Variants in GPATCH8 observed in about 807,000 individuals in gnomAD.
The protein encoded by GPATCH8 is G-patch domain containing 8.
GPATCH8 carries 18 observed loss-of-function variants against 118.3 expected under a neutral mutation model. The observed-to-expected ratio is 0.15, with a 90% CI of 0.11 to 0.23. The LOEUF (loss-of-function observed/expected upper bound fraction) is 0.23. Among genes scored for constraint, GPATCH8 ranks in the 10% least tolerant of loss-of-function variants. GPATCH8 has a pLI of 1.00. For missense variants in GPATCH8, 1,631 were observed against 1,873.8 expected, an observed-to-expected ratio of 0.87 and a Z score of 2.39; for synonymous variants, 659 against 684.7, an observed-to-expected ratio of 0.96 and a Z score of 0.59.
chr17:44,409,858 T>C (rs796288620), intron 6 of GPATCH8, among the ~76,000 whole-genome samples: 8 of 152,232 alleles, frequency 5.3e-5, no homozygotes, highest in Non-Finnish European at 7.3e-5. Context: ...AAAACACTAC[T>C]AAGTCTACGG....
chr17:44,403,606 T>C (rs1264532980), intron 7 of GPATCH8, among the ~76,000 whole-genome samples: 1 of 152,196 alleles, frequency 6.6e-6, no homozygotes, highest in East Asian at 1.9e-4. Flanking sequence ...AGAGACCTAT[T>C]TATATGATGT....
Position 44,435,090 on chromosome 17 carries a change from G to A in GPATCH8, c.323C>T (p.Thr108Ile). The change falls in exon 5 of 8, where the codon ACA (threonine) becomes ATA (isoleucine). Residue 108 changes from threonine to isoleucine, a missense_variant. Physicochemically the swap from Thr to Ile is moderately conservative, Grantham distance 89. This residue lies in a region of GPATCH8 where 81 missense variants were observed against 227.6 expected (regional missense o/e 0.36). Transcript: ENST00000591680. Reference protein sequence around the residue: ...RRVLEVEKEDTEELRQKYKDY... With the variant: ...RRVLEVEKEDIEELRQKYKDY... ...CTTGTACTTTTGTCTCAGCTCTTCT[G>A]TGTCTTCTTTTTCTACTTCTAGGAC... is the stretch of plus-strand genomic sequence containing the variant. The A allele has an allele frequency of 6.7e-7, 1 of 1,482,934 alleles. No individual in the cohort carries two copies. The highest frequency in any genetic ancestry group is 9.4e-7 in the Non-Finnish European group (1 of 1,060,218). The allele number at this position is 1,482,934 out of a possible 1,614,324, so 91.9% of individuals were successfully genotyped here.
At position 44,400,246 on chromosome 17, in the gene GPATCH8, G is replaced by A. The variant is rs750682831; in HGVS notation, c.1831C>T (p.Pro611Ser). The A allele has an allele frequency of 3.1e-6, 5 of 1,613,980 alleles. No individual in the cohort carries two copies. Among genetic ancestry groups the A allele is most frequent in the Non-Finnish European group, 4.2e-6 (5 of 1,180,022 alleles). ...DHLQGLDPGE[P>S]NKSKEVGGEK... is the part of the protein sequence containing the mutation. ...CCGCCCACTTCCTTGCTTTTATTTG[G>A]CTCACCAGGATCTAGGCCTTGGAGA... Residue 611 changes from proline to serine, a missense_variant, in exon 8 of 8, where the codon CCA becomes TCA. By Grantham distance (74) the Pro-to-Ser change is moderately conservative. Coordinates refer to ENST00000591680, the MANE Select transcript of GPATCH8 (RefSeq NM_001002909.4).
chr17:44,486,292 T>G (rs1968777434), intron 1 of GPATCH8: 2 of 152,200 alleles, frequency 1.3e-5, no homozygotes, highest in South Asian at 4.1e-4. Flanking sequence ...CAGCCTGTGT[T>G]GCCCAGGCTG....
At chr17:44,459,341 T>C (rs1417189077) in intron 3 of GPATCH8, among the ~76,000 whole-genome samples, 1 of 152,228 alleles carries the variant, frequency 6.6e-6, no homozygotes, top group Non-Finnish European at 1.5e-5. Context: ...ATAATAAGCA[T>C]ATATGGCATT....
chr17:44,438,025 A>T (rs1164855081), intron 3 of GPATCH8, among the ~76,000 whole-genome samples: 1 of 152,138 alleles, frequency 6.6e-6, no homozygotes, highest in Non-Finnish European at 1.5e-5. Context: ...AGTAAAGCAA[A>T]ATGAAAATGC....
chr17:44,493,017 T>C (rs1401991377), intron 1 of GPATCH8, among the ~76,000 whole-genome samples: 1 of 150,886 alleles, frequency 6.6e-6, no homozygotes, highest in African/African-American at 2.4e-5. Context: ...AAACCACTGG[T>C]TTATAACCAA....
At chr17:44,489,792 C>T (rs1192659934) in intron 1 of GPATCH8, among the ~76,000 whole-genome samples, 5 of 152,138 alleles carry the variant, frequency 3.3e-5, no homozygotes, top group Non-Finnish European at 7.3e-5. Context: ...CCTCCTAACC[C>T]ACCTCCCCAC....
At chr17:44,464,836 G>C (rs1443856881) in intron 2 of GPATCH8, 2 of 377,326 alleles carry the variant, frequency 5.3e-6, no homozygotes, top group Non-Finnish European at 9.8e-6. Flanking sequence ...GGGAAAAGGG[G>C]AAGAATACAT....
chr17:44,483,069 T>C (rs998930492), intron 1 of GPATCH8, among the ~76,000 whole-genome samples: 1 of 135,272 alleles, frequency 7.4e-6, no homozygotes, highest in Non-Finnish European at 1.6e-5. Context: ...GGCAGGAGAA[T>C]GGTGTGAACC....
chr17:44,429,862 T>TAA (rs778605043), intron 5 of GPATCH8, among the ~76,000 whole-genome samples: 99 of 128,976 alleles, frequency 7.7e-4, no homozygotes, highest in Admixed American at 1.3e-3. Flanking sequence ...AGACTCCGTC[T>TAA]AAAAAAAAAA....
rs368510532 is a variant in GPATCH8 at position 44,491,437 on chromosome 17, G to A, written c.45+11889C>T. On this transcript the variant is annotated intron_variant, in intron 1 of 7. Transcript: ENST00000591680. Reference sequence around the variant, plus strand: ...TGGGAGGCAGAGACTGCAGTGAGCCGAGATTGCGCCACTGCACTCCAGCCT... The same window carrying A: ...TGGGAGGCAGAGACTGCAGTGAGCCAAGATTGCGCCACTGCACTCCAGCCT... Among the ~76,000 whole-genome samples, 9 of 146,154 alleles carry A rather than the reference G, an allele frequency of 6.2e-5. No individual in the cohort carries two copies. In the East Asian group the frequency reaches 1.2e-3, roughly 20 times the overall value.
rs1222322971 is a variant in GPATCH8, at chr17:44,397,066, G to A, written c.*502C>T. 6.6e-6 allele frequency: 3 copies of A among 454,124 alleles called. No individual in the cohort carries two copies. The highest frequency in any genetic ancestry group is 6.0e-5 in the African/African-American group (3 of 49,982). The allele number at this position is 454,124 out of a possible 1,614,324, so 28.1% of individuals were successfully genotyped here. On this transcript the variant is annotated 3_prime_UTR_variant, in exon 8 of 8. Transcript: ENST00000591680. ...GGGATAACGTAACGTCACCAAAGATGGTCAAAGATACTACCCCAAAATGGT... is the reference window on the plus strand; with the variant it reads ...GGGATAACGTAACGTCACCAAAGATAGTCAAAGATACTACCCCAAAATGGT...
At chr17:44,421,094 T>G (rs549266468) in intron 6 of GPATCH8, among the ~76,000 whole-genome samples, 1 of 151,356 alleles carries the variant, frequency 6.6e-6, no homozygotes, top group South Asian at 2.1e-4. Flanking sequence ...TCAACTGATC[T>G]GCCCGCCTTG....
At chr17:44,460,167 C>T (rs1304573303) in intron 3 of GPATCH8, among the ~76,000 whole-genome samples, 3 of 152,154 alleles carry the variant, frequency 2.0e-5, no homozygotes, top group Non-Finnish European at 4.4e-5. Context: ...CAAAATACAA[C>T]TATCATTCAC....
intron 1 of GPATCH8, among the ~76,000 whole-genome samples, chr17:44,476,950 TC>T (rs903146978): frequency 3.9e-5 from 6 of 152,216 alleles, no homozygotes; most frequent in Non-Finnish European, 7.3e-5. Flanking sequence ...ATTTTCTGGT[TC>T]CCTTCTTGTC....
chr17:44,474,338 TAC>T (rs1292506859), intron 2 of GPATCH8: 4 of 198,450 alleles, frequency 2.0e-5, no homozygotes, highest in African/African-American at 9.5e-5. Context: ...TTTCTTAAGC[TAC>T]AGAGACCAAA....
chr17:44,411,057 T>G (rs1304771021), intron 6 of GPATCH8, among the ~76,000 whole-genome samples: 7 of 152,206 alleles, frequency 4.6e-5, no homozygotes, highest in Non-Finnish European at 1.0e-4. Context: ...AATCTGAATG[T>G]GGATTATAAA....
At chr17:44,446,228 G>A (rs1177801719) in intron 3 of GPATCH8, among the ~76,000 whole-genome samples, 1 of 152,088 alleles carries the variant, frequency 6.6e-6, no homozygotes, top group East Asian at 1.9e-4. Context: ...GGGATTACAG[G>A]TGTGAGTCAC....
Sources: gnomAD v4.1 joint callset for allele counts (sites outside exome capture counted in the v4.1 genomes callset) on GRCh38, gnomAD v4.1.1 for gene constraint, gnomAD v4.1.1 regional missense constraint, MANE v1.5 for transcripts, NCBI Gene and HGNC (gene_info 2026-07-23, HGNC 2026-07-21) for gene names.